The following ADARB2 variants were observed in gnomAD, a reference collection of about 807,000 sequenced individuals.
ADARB2 encodes the protein adenosine deaminase RNA specific B2 (inactive).
ADARB2 carries 25 observed loss-of-function variants against 62.2 expected under a neutral mutation model. The observed-to-expected ratio is 0.40, with a 90% CI of 0.29 to 0.56. The LOEUF (loss-of-function observed/expected upper bound fraction) is 0.56. Ranked by LOEUF, ADARB2 falls within the 20% of genes least tolerant of loss-of-function variation. The pLI, the probability that ADARB2 is intolerant of heterozygous loss-of-function variation, is 0.43. For missense variants in ADARB2, 1,071 were observed against 1,077.4 expected (o/e 0.99, Z 0.08); for synonymous variants, 572 against 500.8 (o/e 1.14, Z -1.90).
intron 3 of ADARB2, among the ~76,000 whole-genome samples, chr10:1,333,518 T>A (rs895076358): frequency 2.0e-5 from 3 of 152,188 alleles, no homozygotes; most frequent in Non-Finnish European, 4.4e-5. Flanking sequence ...TTTGAGGGTA[T>A]TTTTTAGTCT....
intron 1 of ADARB2, among the ~76,000 whole-genome samples, chr10:1,725,183 G>A (rs1053379685): frequency 6.6e-6 from 1 of 152,102 alleles, no homozygotes; most frequent in Non-Finnish European, 1.5e-5. Flanking sequence ...CCGCGTTAAC[G>A]TGCTGTAAAA....
In ADARB2 at chr10:1,477,557, C is replaced by T. The variant is rs1831418372; in HGVS notation, c.101-98397G>A. Among the ~76,000 whole-genome samples, 1 of 152,066 alleles carries T rather than the reference C, an allele frequency of 6.6e-6. No individual in the cohort carries two copies. The highest frequency in any genetic ancestry group is 1.5e-5 in the Non-Finnish European group (1 of 68,006). ...CGACTGTCTTGGTAAATTCTTTTAC[C>T]ACCCGTGACACCAGCCCCAGCCATT... On this transcript the variant is annotated intron_variant, in intron 1 of 9. Transcript: ENST00000381312. The surrounding 1 kb of genome is among the most constrained non-coding windows in gnomAD (Gnocchi z 4.5).
intron 1 of ADARB2, among the ~76,000 whole-genome samples, chr10:1,547,393 G>C (rs1205738493): frequency 7.9e-5 from 9 of 113,794 alleles, no homozygotes; most frequent in South Asian, 3.5e-4. Context: ...GTGTTGGGGG[G>C]AGAGGCTGCA....
At chr10:1,672,781 C>A (rs868575519) in intron 1 of ADARB2, among the ~76,000 whole-genome samples, 1 of 152,244 alleles carries the variant, frequency 6.6e-6, no homozygotes, top group Non-Finnish European at 1.5e-5. Flanking sequence ...TTCCTCCCTC[C>A]CTCTAACACA....
chr10:1,186,702 G>T (rs1368601716), intron 8 of ADARB2: 1 of 413,948 alleles, frequency 2.4e-6, no homozygotes, highest in African/African-American at 2.0e-5. Flanking sequence ...AGAACTTGGC[G>T]TCTTGGCCAG....
intron 1 of ADARB2, among the ~76,000 whole-genome samples, chr10:1,390,752 G>A (rs1283403996): frequency 2.0e-5 from 3 of 152,222 alleles, no homozygotes; most frequent in African/African-American, 7.2e-5. Context: ...GTCCTTCAGA[G>A]CCAACTTTGG....
chr10:1,703,679 C>A (rs775044438), intron 1 of ADARB2, among the ~76,000 whole-genome samples: 1 of 152,202 alleles, frequency 6.6e-6, no homozygotes, highest in Admixed American at 6.5e-5. Context: ...TTGCCTGAAT[C>A]CTCAGATGAA....
chr10:1,723,875 G>A (rs953820294), intron 1 of ADARB2, among the ~76,000 whole-genome samples: 1 of 152,196 alleles, frequency 6.6e-6, no homozygotes, highest in African/African-American at 2.4e-5. Flanking sequence ...TTTTCTAGCA[G>A]TGATGCTACA....
chr10:1,202,948 A>G (rs939519008), intron 7 of ADARB2, among the ~76,000 whole-genome samples: 1 of 152,190 alleles, frequency 6.6e-6, no homozygotes, highest in Non-Finnish European at 1.5e-5. Context: ...TCTGGTTCCT[A>G]CCTAATAACC....
intron 2 of ADARB2, among the ~76,000 whole-genome samples, chr10:1,371,784 TAAAAAAA>T (rs71379114): frequency 0.012 from 1,516 of 125,792 alleles, 31 homozygotes; most frequent in African/African-American, 0.042. Context: ...TATTAAAAAG[TAAAAAAA>T]AAAAAAAAAA....
At chr10:1,529,085 C>T (rs1333826055) in intron 1 of ADARB2, among the ~76,000 whole-genome samples, 1 of 146,268 alleles carries the variant, frequency 6.8e-6, no homozygotes, top group South Asian at 2.2e-4. Context: ...CCACCATGCC[C>T]AACACCAATC....
chr10:1,730,404 C>T (rs1005340730), intron 1 of ADARB2, among the ~76,000 whole-genome samples: 1 of 152,284 alleles, frequency 6.6e-6, no homozygotes, highest in East Asian at 1.9e-4. Context: ...GGCCCTCTTC[C>T]GCGTGAGGCT....
At chr10:1,612,923 G>C (rs1013635751) in intron 1 of ADARB2, among the ~76,000 whole-genome samples, 2 of 152,216 alleles carry the variant, frequency 1.3e-5, no homozygotes, top group Non-Finnish European at 2.9e-5. Context: ...ATTAGTAGCT[G>C]AAATAAATGT....
chr10:1,732,494 T>C (rs1835247049), intron 1 of ADARB2, among the ~76,000 whole-genome samples: 1 of 152,242 alleles, frequency 6.6e-6, no homozygotes, highest in African/African-American at 2.4e-5. Flanking sequence ...CAATTACTGT[T>C]ATTACATGGG....
At chr10:1,392,993 C>T (rs577160290) in intron 1 of ADARB2, among the ~76,000 whole-genome samples, 1 of 152,250 alleles carries the variant, frequency 6.6e-6, no homozygotes, top group South Asian at 2.1e-4. Flanking sequence ...TCAAAGTCCC[C>T]ACATTTGTAG....
intron 1 of ADARB2, among the ~76,000 whole-genome samples, chr10:1,399,685 C>T (rs903270731): frequency 3.9e-5 from 6 of 152,184 alleles, no homozygotes; most frequent in South Asian, 2.1e-4. Flanking sequence ...GTCTTTCCTA[C>T]GTTCAGGGTT....
chr10:1,442,797 C>A (rs1376828532), intron 1 of ADARB2, among the ~76,000 whole-genome samples: 1 of 151,932 alleles, frequency 6.6e-6, no homozygotes, highest in African/African-American at 2.4e-5. Context: ...GGGAGAGAAA[C>A]AGAGAATTCT....
At chr10:1,696,675 T>G (rs1309102071) in intron 1 of ADARB2, among the ~76,000 whole-genome samples, 1 of 152,196 alleles carries the variant, frequency 6.6e-6, no homozygotes, top group African/African-American at 2.4e-5. Context: ...AGATGAATGC[T>G]TCTCAGGCCT....
intron 3 of ADARB2, among the ~76,000 whole-genome samples, chr10:1,286,854 T>C (rs1589178421): frequency 6.6e-6 from 1 of 152,206 alleles, no homozygotes; most frequent in Non-Finnish European, 1.5e-5. Context: ...CTTAGCCTGG[T>C]ACCCGGCACT....
Sources: allele counts gnomAD v4.1 joint callset (sites outside exome capture counted in the v4.1 genomes callset), GRCh38; gene constraint gnomAD v4.1.1; non-coding constraint Gnocchi (gnomAD v3.1); transcripts MANE v1.5; gene names NCBI Gene and HGNC (gene_info 2026-07-23, HGNC 2026-07-21).